The following FBN2 variants were observed in gnomAD, a reference collection of about 807,000 sequenced individuals.
FBN2 encodes the protein fibrillin 2, also known as fibrillin-2.
A neutral mutation model predicts 355.6 loss-of-function variants in FBN2; 105 were observed. The observed-to-expected ratio is 0.30, with a 90% CI of 0.25 to 0.35. The LOEUF (loss-of-function observed/expected upper bound fraction) is 0.35. Ranked by LOEUF, FBN2 falls within the 10% of genes least tolerant of loss-of-function variation. The probability of loss-of-function intolerance (pLI) is 1.00; values close to 1 mark genes in which losing one functional copy is unlikely to be tolerated. For missense variants in FBN2, 3,280 were observed against 3,758.7 expected (o/e 0.87, Z 3.33); for synonymous variants, 1,350 against 1,301.2 (o/e 1.04, Z -0.81).
At chr5:128,368,438 A>ATG (rs1751835687) in intron 16 of FBN2, among the ~76,000 whole-genome samples, 1 of 134,782 alleles carries the variant, frequency 7.4e-6, no homozygotes, top group Non-Finnish European at 1.6e-5. Context: ...ATATATACAC[A>ATG]TATATACATA....
chr5:128,352,268 T>C (rs956186145), intron 20 of FBN2, among the ~76,000 whole-genome samples: 2 of 152,148 alleles, frequency 1.3e-5, no homozygotes, highest in African/African-American at 4.8e-5. Flanking sequence ...ATCATACTTA[T>C]GGTAAACAAT....
At chr5:128,422,786 G>A (rs1182033900) in intron 7 of FBN2, among the ~76,000 whole-genome samples, 1 of 152,142 alleles carries the variant, frequency 6.6e-6, no homozygotes. Flanking sequence ...TTTACTGTGT[G>A]TAAGAATCAC....
At chr5:128,353,336 C>T (rs895957082) in intron 20 of FBN2, among the ~76,000 whole-genome samples, 1 of 152,096 alleles carries the variant, frequency 6.6e-6, no homozygotes, top group African/African-American at 2.4e-5. Context: ...AACACCAAGA[C>T]AGAGGTTGAA....
At chr5:128,389,263 G>C (rs891874597) in intron 11 of FBN2, among the ~76,000 whole-genome samples, 1 of 152,198 alleles carries the variant, frequency 6.6e-6, no homozygotes, top group Non-Finnish European at 1.5e-5. Flanking sequence ...AGAGCAATGG[G>C]GGAAGGCTGT....
At chr5:128,337,937 T>C in intron 27 of FBN2, 60 bp downstream of exon 27, 2 of 1,594,126 alleles carry the variant, frequency 1.3e-6, no homozygotes, top group Admixed American at 1.7e-5. Flanking sequence ...TTGTCAGAAC[T>C]GATCCCTGGT....
intron 4 of FBN2, among the ~76,000 whole-genome samples, chr5:128,524,171 A>T (rs1756506690): frequency 6.6e-6 from 1 of 152,100 alleles, no homozygotes; most frequent in Non-Finnish European, 1.5e-5. Flanking sequence ...AAATACATGG[A>T]GTCTGTTCCC....
chr5:128,308,975 T>C (rs1749960754), intron 41 of FBN2, among the ~76,000 whole-genome samples: 1 of 152,216 alleles, frequency 6.6e-6, no homozygotes, highest in Non-Finnish European at 1.5e-5. Flanking sequence ...CAGTTTAAGA[T>C]AATGAGTTTA....
chr5:128,458,572 T>C (rs1006744042), intron 6 of FBN2, among the ~76,000 whole-genome samples: 7 of 151,714 alleles, frequency 4.6e-5, no homozygotes, highest in African/African-American at 1.7e-4. Flanking sequence ...CCTCAGCAAA[T>C]GCAAAAGAAC....
chr5:128,330,443 C>T (rs1004744452), intron 33 of FBN2, 130 bp downstream of exon 33: 1 of 886,816 alleles, frequency 1.1e-6, no homozygotes, highest in African/African-American at 1.7e-5. Flanking sequence ...TACATAGTCA[C>T]CTGCAAGTCA....
chr5:128,537,689 G>A lies in FBN2; in HGVS notation c.-86C>T. 7.4e-7 allele frequency: 1 copy of A among 1,359,672 alleles called. No homozygotes were observed. The allele number at this position is 1,359,672 out of a possible 1,614,324, so 84.2% of individuals were successfully genotyped here. A position where few individuals can be genotyped will look rare whatever the true frequency, so the allele number is the denominator to read the frequency against. On this transcript the variant is annotated 5_prime_UTR_variant, in exon 1 of 65. Coordinates refer to ENST00000262464, the MANE Select transcript of FBN2 (RefSeq NM_001999.4). ...CTGCGCGCCTCAGAAAAGAGTCAGG[G>A]TCTAATAAGCCCTTCGTCGGCTCCG...
At position 128,519,217 on chromosome 5, in the gene FBN2, C is replaced by T. The variant is rs1756364786; in HGVS notation, c.628+56G>A. ...CTTCATTGAATAGCAAAAAATTATA[C>T]ATTTTTACAATAAAATAGACTTCTT... On this transcript the variant is annotated intron_variant, in intron 5 of 64. Transcript: ENST00000262464. 9 of 1,228,388 alleles carry T rather than the reference C, an allele frequency of 7.3e-6. No individual in the cohort carries two copies. The Admixed American group carries it at 8.9e-5, about 12-fold the overall frequency. The allele number at this position is 1,228,388 out of a possible 1,614,324, so 76.1% of individuals were successfully genotyped here.
intron 7 of FBN2, among the ~76,000 whole-genome samples, chr5:128,436,715 C>T (rs77293904): frequency 2.6e-5 from 4 of 151,748 alleles, no homozygotes; most frequent in East Asian, 1.9e-4. Context: ...GCGGTATCTT[C>T]GTTTCTCCTG....
At chr5:128,352,422 T>C (rs1169355463) in intron 20 of FBN2, among the ~76,000 whole-genome samples, 1 of 152,244 alleles carries the variant, frequency 6.6e-6, no homozygotes, top group Non-Finnish European at 1.5e-5. Flanking sequence ...TATTATGCAC[T>C]TTAAAATTTT....
intron 52 of FBN2, 123 bp downstream of exon 52, chr5:128,289,004 C>G: frequency 2.1e-6 from 2 of 974,560 alleles, no homozygotes; most frequent in Non-Finnish European, 1.6e-6. Flanking sequence ...GAAGGTGCCA[C>G]TACTAGCTAT....
intron 2 of FBN2, among the ~76,000 whole-genome samples, chr5:128,532,874 G>T (rs192441886): frequency 6.6e-6 from 1 of 152,044 alleles, no homozygotes; most frequent in Admixed American, 6.6e-5. Context: ...CCAACGCTAC[G>T]AAAATTTTTT....
intron 6 of FBN2, among the ~76,000 whole-genome samples, chr5:128,453,017 C>T (rs1388274039): frequency 1.3e-5 from 2 of 152,140 alleles, no homozygotes; most frequent in Non-Finnish European, 2.9e-5. Context: ...ACTTTAAGGG[C>T]AGCAACTAAA....
At chr5:128,348,232 A>C (rs1227186512) in intron 23 of FBN2, among the ~76,000 whole-genome samples, 1 of 152,120 alleles carries the variant, frequency 6.6e-6, no homozygotes, top group African/African-American at 2.4e-5. Context: ...ATTATTTTTG[A>C]CATTTTCTTT....
intron 7 of FBN2, among the ~76,000 whole-genome samples, chr5:128,443,913 T>G (rs1753991234): frequency 6.6e-6 from 1 of 152,166 alleles, no homozygotes. Context: ...TATGGCAAGA[T>G]TTTTACAGAC....
chr5:128,454,732 T>C (rs959455606), intron 6 of FBN2, among the ~76,000 whole-genome samples: 4 of 152,362 alleles, frequency 2.6e-5, no homozygotes, highest in Admixed American at 2.0e-4. Flanking sequence ...GCATTTGTTT[T>C]GCAGAAACCA....
Sources: allele counts gnomAD v4.1 joint callset (sites outside exome capture counted in the v4.1 genomes callset), GRCh38; gene constraint gnomAD v4.1.1; transcripts MANE v1.5; gene names NCBI Gene and HGNC (gene_info 2026-07-23, HGNC 2026-07-21).